Variants in PIAS2 observed in about 807,000 individuals in gnomAD.
The protein encoded by PIAS2 is E3 SUMO-protein ligase PIAS2.
Under a neutral mutation model 69.7 loss-of-function variants are expected in PIAS2, and 19 were observed. The observed-to-expected ratio is 0.27, with a 90% CI of 0.19 to 0.40. The LOEUF is 0.40. PIAS2 is among the 10% of genes least tolerant of loss of function. The pLI is 1.00. For missense variants in PIAS2, 624 were observed against 757.0 expected (o/e 0.82, Z 2.06); for synonymous variants, 261 against 263.2 (o/e 0.99, Z 0.08).
At chr18:46,871,320 C>T (rs1019375253) in intron 2 of PIAS2, among the ~76,000 whole-genome samples, 3 of 152,160 alleles carry the variant, frequency 2.0e-5, no homozygotes, top group African/African-American at 7.2e-5. Flanking sequence ...CTCTCCATTA[C>T]CTACAGACCC....
chr18:46,882,750 C>T (rs774068142), intron 2 of PIAS2, among the ~76,000 whole-genome samples: 3 of 152,144 alleles, frequency 2.0e-5, no homozygotes, highest in Admixed American at 6.5e-5. Context: ...AATAAATCTG[C>T]TGTAATAAAT....
intron 1 of PIAS2, chr18:46,917,062 G>T (rs2146393207): frequency 1.0e-6 from 1 of 988,398 alleles, no homozygotes; most frequent in Non-Finnish European, 1.2e-6. Context: ...GACCCCCCGC[G>T]CCAGGTGTGC....
intron 3 of PIAS2, among the ~76,000 whole-genome samples, chr18:46,863,217 T>C (rs1364406701): frequency 6.6e-6 from 1 of 152,218 alleles, no homozygotes; most frequent in Non-Finnish European, 1.5e-5. Context: ...AGAATAATTA[T>C]TAGTAATGTT....
At position 46,900,505 on chromosome 18, in the gene PIAS2, C is replaced by CA. The variant is rs770336105; in HGVS notation, c.25-9452dup. 2.5e-3 allele frequency among the ~76,000 whole-genome samples: 360 copies of CA among 142,932 alleles called. 1 individual carries two copies. Among genetic ancestry groups the CA allele is most frequent in the Middle Eastern group, 3.8e-3 (1 of 264 alleles). The allele number at this position is 142,932 out of a possible 152,430, so 93.8% of individuals were successfully genotyped here. On this transcript the variant is annotated intron_variant, in intron 1 of 13. Transcript: ENST00000585916. ...AAACAAAGTGAGACCCAGGTTCTAC[C>CA]AAAAAAAAAAAATTGTTTTTAATTA...
chr18:46,884,562 C>T (rs912467892), intron 2 of PIAS2, among the ~76,000 whole-genome samples: 22 of 152,088 alleles, frequency 1.4e-4, no homozygotes, highest in East Asian at 2.0e-4. Context: ...CCGCCCACCT[C>T]GGCCTCCCAA....
intron 1 of PIAS2, among the ~76,000 whole-genome samples, chr18:46,901,436 T>A (rs1325434293): frequency 1.3e-5 from 2 of 152,114 alleles, no homozygotes; most frequent in African/African-American, 4.8e-5. Flanking sequence ...CAAACCAATA[T>A]TCGTCATGAA....
intron 3 of PIAS2, among the ~76,000 whole-genome samples, chr18:46,862,648 CATATATACACAT>C (rs1290115047): frequency 1.3e-5 from 2 of 151,782 alleles, no homozygotes; most frequent in South Asian, 2.1e-4. Context: ...TATATATACA[CATATATACACAT>C]ATATATACAC....
At chr18:46,879,504 C>G (rs539140513) in intron 2 of PIAS2, among the ~76,000 whole-genome samples, 1 of 152,068 alleles carries the variant, frequency 6.6e-6, no homozygotes, top group Non-Finnish European at 1.5e-5. Context: ...TTTAGTGGTT[C>G]CTCAAATAAT....
intron 12 of PIAS2, chr18:46,815,594 TC>T (rs1193490042): frequency 8.5e-7 from 1 of 1,170,400 alleles, no homozygotes; most frequent in Non-Finnish European, 1.1e-6. Flanking sequence ...TCCAAAACTT[TC>T]CAGTGAAGGA....
rs1169350941 is a variant in PIAS2, at chr18:46,805,833, G to T, written c.*6600C>A. 6.6e-6 allele frequency: 1 copy of T among 152,178 alleles called. No individual in the cohort carries two copies. The highest frequency in any genetic ancestry group is 1.5e-5 in the Non-Finnish European group (1 of 68,028). The allele number at this position is 152,178 out of a possible 1,614,324, so 9.4% of individuals were successfully genotyped here. On this transcript the variant is annotated 3_prime_UTR_variant, in exon 14 of 14. Coordinates refer to ENST00000585916, the MANE Select transcript of PIAS2 (RefSeq NM_004671.5). Reference sequence around the variant, plus strand: ...TATTTAAAAGACTGCAGAAAAACCAGGAATGAGCCTCATGGATGCTTCATT... The same window carrying T: ...TATTTAAAAGACTGCAGAAAAACCATGAATGAGCCTCATGGATGCTTCATT...
At chr18:46,908,018 A>AT (rs2056831768) in intron 1 of PIAS2, 1 of 152,214 alleles carries the variant, frequency 6.6e-6, no homozygotes, top group Admixed American at 6.5e-5. Context: ...GAGTGCTGGT[A>AT]ATGTTCTCTT....
intron 1 of PIAS2, among the ~76,000 whole-genome samples, chr18:46,902,018 C>T (rs1412744880): frequency 6.6e-6 from 1 of 152,050 alleles, no homozygotes; most frequent in African/African-American, 2.4e-5. Flanking sequence ...CATAGAAAAT[C>T]TCAACAAATC....
upstream of PIAS2, among the ~76,000 whole-genome samples, chr18:46,918,494 G>T (rs951648253): frequency 6.6e-6 from 1 of 152,052 alleles, no homozygotes; most frequent in African/African-American, 2.4e-5. Flanking sequence ...TGCTCTTGTT[G>T]CCCAGGCTGG....
intron 1 of PIAS2, among the ~76,000 whole-genome samples, chr18:46,894,997 C>T (rs931649282): frequency 4.0e-5 from 6 of 151,340 alleles, no homozygotes; most frequent in South Asian, 2.1e-4. Flanking sequence ...CGCTTGAAAC[C>T]GGGAGGCGGA....
upstream of PIAS2, among the ~76,000 whole-genome samples, chr18:46,919,443 GCCATTGCA>G (rs1343307382): frequency 7.3e-5 from 11 of 151,366 alleles, no homozygotes; most frequent in Non-Finnish European, 1.5e-4. Context: ...CGGAGATAGC[GCCATTGCA>G]CTCCAGCCTG....
At chr18:46,836,979 A>T (rs1263149674) in intron 8 of PIAS2, among the ~76,000 whole-genome samples, 1 of 152,216 alleles carries the variant, frequency 6.6e-6, no homozygotes, top group Non-Finnish European at 1.5e-5. Context: ...ATCGGTATAT[A>T]AAAAGCTACC....
chr18:46,828,917 A>G (rs2043190839), intron 10 of PIAS2, among the ~76,000 whole-genome samples: 1 of 152,234 alleles, frequency 6.6e-6, no homozygotes, highest in South Asian at 2.1e-4. Flanking sequence ...GAAAGATGAG[A>G]GAAACCTTGG....
chr18:46,914,016 A>G (rs1234322214), intron 1 of PIAS2, among the ~76,000 whole-genome samples: 2 of 152,230 alleles, frequency 1.3e-5, no homozygotes, highest in Non-Finnish European at 2.9e-5. Context: ...AGTTCAGGCC[A>G]TCAAATCTTA....
At chr18:46,825,297 G>C (rs1304438067) in intron 11 of PIAS2, among the ~76,000 whole-genome samples, 1 of 152,330 alleles carries the variant, frequency 6.6e-6, no homozygotes, top group Middle Eastern at 3.4e-3. Context: ...ACTGTGACAG[G>C]TGGCAGCCAC....
Sources: allele counts gnomAD v4.1 joint callset (sites outside exome capture counted in the v4.1 genomes callset), GRCh38; gene constraint gnomAD v4.1.1; transcripts MANE v1.5; gene names NCBI Gene and HGNC (gene_info 2026-07-23, HGNC 2026-07-21).